The following USP3 variants were observed in gnomAD, a reference collection of about 807,000 sequenced individuals.
The protein encoded by USP3 is ubiquitin specific peptidase 3.
A neutral mutation model predicts 72.3 loss-of-function variants in USP3; 20 were observed. The ratio of observed to expected loss-of-function variants is 0.28; its 90% confidence interval spans 0.19 to 0.40. USP3 has a LOEUF of 0.40. USP3 is among the 10% of genes least tolerant of loss of function. USP3 has a pLI of 1.00. For missense variants in USP3, 479 were observed against 633.9 expected (o/e 0.76, Z 2.62); for synonymous variants, 222 against 225.3 (o/e 0.99, Z 0.13).
chr15:63,589,102 T>C, intron 14 of USP3, 91 bp downstream of exon 14: 1 of 1,427,706 alleles, frequency 7.0e-7, no homozygotes, highest in Non-Finnish European at 9.8e-7. Flanking sequence ...TAGTTCTTCC[T>C]AAAAAATGGA....
intron 1 of USP3, among the ~76,000 whole-genome samples, chr15:63,516,009 A>G (rs1375738797): frequency 6.6e-6 from 1 of 152,198 alleles, no homozygotes; most frequent in African/African-American, 2.4e-5. Context: ...TGAAGACTTC[A>G]GTGTTTGCAC....
intron 1 of USP3, among the ~76,000 whole-genome samples, chr15:63,506,499 T>C (rs2065715412): frequency 2.0e-5 from 3 of 152,212 alleles, no homozygotes; most frequent in Admixed American, 2.0e-4. Context: ...TGGCATTTTT[T>C]AGGTAAAATC....
At position 63,588,833 on chromosome 15, in the gene USP3, T is replaced by A. The variant is rs754928216; in HGVS notation, c.1329+18T>A. 1.5e-5 allele frequency: 24 copies of A among 1,611,390 alleles called. No individual in the cohort carries two copies. The highest frequency in any genetic ancestry group is 2.0e-5 in the Non-Finnish European group (23 of 1,177,578). On this transcript the variant is annotated intron_variant, in intron 13 of 14. Transcript: ENST00000380324. This position sits in a 1 kb window ranked among gnomAD's most constrained non-coding sequence, Gnocchi z 4.6. ...TACTAGAGGTAAGGTGGTTACCTTT[T>A]TAGCATGGTGAAAAAATGGCTCTTC...
At chr15:63,537,703 G>A (rs1275150657) in intron 3 of USP3, among the ~76,000 whole-genome samples, 4 of 151,508 alleles carry the variant, frequency 2.6e-5, no homozygotes, top group Non-Finnish European at 5.9e-5. Context: ...TCTTTTTTTT[G>A]AGACAGAGTT....
chr15:63,562,546 C>T (rs150556108), intron 7 of USP3, among the ~76,000 whole-genome samples: 3 of 152,234 alleles, frequency 2.0e-5, no homozygotes, highest in East Asian at 1.9e-4. Flanking sequence ...GAAAGAAAGC[C>T]GAATGCTTGT....
At chr15:63,535,476 C>T (rs910813766) in intron 2 of USP3, among the ~76,000 whole-genome samples, 1 of 152,164 alleles carries the variant, frequency 6.6e-6, no homozygotes, top group African/African-American at 2.4e-5. Flanking sequence ...AATGAGAAAA[C>T]AAGTACAGAG....
chr15:63,567,078 T>C (rs1470501963), intron 8 of USP3, among the ~76,000 whole-genome samples: 2 of 152,232 alleles, frequency 1.3e-5, no homozygotes, highest in African/African-American at 4.8e-5. Context: ...CATGTCATAG[T>C]TAAGTATGTG....
chr15:63,560,545 T>C (rs934180044), intron 7 of USP3, among the ~76,000 whole-genome samples: 6 of 152,146 alleles, frequency 3.9e-5, no homozygotes, highest in African/African-American at 1.4e-4. Flanking sequence ...AGTGCAGTTC[T>C]AGGTGTAGAT....
At chr15:63,532,482 C>A in intron 1 of USP3, 165 bp from the exon 2 acceptor site, 2 of 731,224 alleles carry the variant, frequency 2.7e-6, no homozygotes, top group Non-Finnish European at 4.7e-6. Context: ...TTCAGTATAA[C>A]TTAATTAGGC....
At chr15:63,590,550 C>A in intron 14 of USP3, 111 bp from the exon 15 acceptor site, 2 of 1,062,238 alleles carry the variant, frequency 1.9e-6, no homozygotes, top group Non-Finnish European at 1.3e-6. Flanking sequence ...CATCTTAAAT[C>A]AAAAGTCTAG....
In USP3 at chr15:63,594,286, A is replaced by G. The variant is rs888805161; in HGVS notation, c.*3460A>G. ...GGGCCCTGGAAAAGCCGATGGAAAA[A>G]GTCTGTTCCTGCAGCCAAGGCCTGG... On this transcript the variant is annotated 3_prime_UTR_variant, in exon 15 of 15. Coordinates refer to ENST00000380324, the MANE Select transcript of USP3 (RefSeq NM_006537.4). 1 of 152,224 alleles carries G rather than the reference A, an allele frequency of 6.6e-6. No homozygotes were observed. The highest frequency in any genetic ancestry group is 2.4e-5 in the African/African-American group (1 of 41,454). 9.4% of individuals were successfully genotyped at this position (152,224 alleles called of 1,614,324 possible). A position where few individuals can be genotyped will look rare whatever the true frequency, so the allele number is the denominator to read the frequency against.
At chr15:63,573,134 G>A (rs1336862615) in intron 9 of USP3, among the ~76,000 whole-genome samples, 1 of 152,200 alleles carries the variant, frequency 6.6e-6, no homozygotes, top group Non-Finnish European at 1.5e-5. Flanking sequence ...GAAGAATGAG[G>A]TACCTGTTTA....
chr15:63,548,752 G>C (rs1334491717), intron 3 of USP3, among the ~76,000 whole-genome samples: 2 of 151,878 alleles, frequency 1.3e-5, no homozygotes, highest in Non-Finnish European at 2.9e-5. Context: ...CTAGTGGAGT[G>C]GCATGATCTC....
intron 1 of USP3, among the ~76,000 whole-genome samples, chr15:63,525,485 G>T (rs2065969603): frequency 1.3e-5 from 2 of 152,190 alleles, no homozygotes; most frequent in African/African-American, 2.4e-5. Context: ...GATTTTGGCT[G>T]CCCTCGGACT....
intron 9 of USP3, among the ~76,000 whole-genome samples, chr15:63,572,439 T>C (rs1011027127): frequency 5.3e-5 from 8 of 151,776 alleles, no homozygotes; most frequent in African/African-American, 1.9e-4. Context: ...AAAGCTGAAA[T>C]GGCCACTAGG....
At chr15:63,575,504 G>A (rs1364399157) in intron 11 of USP3, among the ~76,000 whole-genome samples, 1 of 152,144 alleles carries the variant, frequency 6.6e-6, no homozygotes, top group Non-Finnish European at 1.5e-5. Flanking sequence ...CTAGAAATCT[G>A]TCAGATGATA....
Position 63,528,444 on chromosome 15 carries a change from CCTTT to C in USP3, c.92-4200_92-4197del, listed in dbSNP as rs1390114073. Among the ~76,000 whole-genome samples, 1 of 151,918 alleles carries C rather than the reference CCTTT, an allele frequency of 6.6e-6. No homozygotes were observed. The highest frequency in any genetic ancestry group is 2.4e-5 in the African/African-American group (1 of 41,250). Reference sequence around the variant, plus strand: ...CTTCACAAGTGTCTATCCTTATCACCCTTTCTCTCATGTACCAGCATTTAAGACT... The same window carrying C: ...CTTCACAAGTGTCTATCCTTATCACCCTCTCATGTACCAGCATTTAAGACT... On this transcript the variant is annotated intron_variant, in intron 1 of 14. Coordinates refer to ENST00000380324, the MANE Select transcript of USP3 (RefSeq NM_006537.4). This position sits in a 1 kb window ranked among gnomAD's most constrained non-coding sequence, Gnocchi z 4.3.
rs2066760759 is a variant in USP3 at position 63,570,428 on chromosome 15, T to C, written c.762-5T>C. 2.5e-6 allele frequency: 4 copies of C among 1,613,940 alleles called. No individual in the cohort carries two copies. Among genetic ancestry groups the C allele is most frequent in the Non-Finnish European group, 2.5e-6 (3 of 1,180,024 alleles). ...GCCTTATAAGTGACTGTTTGTTTGCTTTAGGGGCTATCAACAGCAGGACGC... is the reference window on the plus strand; with the variant it reads ...GCCTTATAAGTGACTGTTTGTTTGCCTTAGGGGCTATCAACAGCAGGACGC... On this transcript the variant is annotated splice_polypyrimidine_tract_variant and splice_region_variant and intron_variant, in intron 8 of 14. Transcript: ENST00000380324. The surrounding 1 kb of genome is among the most constrained non-coding windows in gnomAD (Gnocchi z 4.4).
Position 63,560,078 on chromosome 15 carries a change from A to T in USP3, c.647+108A>T, listed in dbSNP as rs1030445067. 157 of 908,934 alleles carry T rather than the reference A, an allele frequency of 1.7e-4. 1 individual carries two copies. The African/African-American group carries it at 2.6e-3, about 15-fold the overall frequency. 56.3% of individuals were successfully genotyped at this position (908,934 alleles called of 1,614,324 possible). ...GCTAACAGGCACATGCCTTAAAAAA[A>T]ATCTTCTAAAAATTGTGTTTAAATA... On this transcript the variant is annotated intron_variant, in intron 7 of 14. Coordinates refer to ENST00000380324, the MANE Select transcript of USP3 (RefSeq NM_006537.4).
Sources: allele counts gnomAD v4.1 joint callset (sites outside exome capture counted in the v4.1 genomes callset), GRCh38; gene constraint gnomAD v4.1.1; non-coding constraint Gnocchi (gnomAD v3.1); transcripts MANE v1.5; gene names NCBI Gene and HGNC (gene_info 2026-07-23, HGNC 2026-07-21).